Variants in NHS observed in about 807,000 individuals in gnomAD.
NHS encodes the protein NHS actin remodeling regulator, also known as actin remodeling regulator NHS.
Under a neutral mutation model 72.5 loss-of-function variants are expected in NHS, and 5 were observed. That is an observed-to-expected ratio of 0.07 (90% CI 0.04 to 0.14). NHS has a LOEUF of 0.14. Ranked by LOEUF, NHS falls within the 10% of genes least tolerant of loss-of-function variation. The probability of loss-of-function intolerance (pLI) is 1.00; values close to 1 mark genes in which losing one functional copy is unlikely to be tolerated. For missense variants in NHS, 1,072 were observed against 1,355.7 expected (o/e 0.79, Z 3.29); for synonymous variants, 464 against 547.7 (o/e 0.85, Z 2.13).
chrX:17,719,605 T>A (rs1053033698), intron 4 of NHS, among the ~76,000 whole-genome samples, 199 bp downstream of exon 4: 4 of 110,761 alleles, frequency 3.6e-5, no homozygotes, highest in African/African-American at 1.3e-4. Context: ...TTTGCCTTTT[T>A]CCCCCATTCA....
intron 1 of NHS, among the ~76,000 whole-genome samples, chrX:17,393,020 T>C (rs972814118): frequency 1.8e-5 from 2 of 112,287 alleles, no homozygotes; most frequent in Non-Finnish European, 1.9e-5. Context: ...TGCATGTAGT[T>C]GTAGTTCATT....
chrX:17,594,983 A>G (rs2065618995), intron 1 of NHS, among the ~76,000 whole-genome samples: 1 of 112,185 alleles, frequency 8.9e-6, no homozygotes, highest in Non-Finnish European at 1.9e-5. Flanking sequence ...GGCCAAGGGC[A>G]ATTCTCCAGA....
chrX:17,732,288 G>A lies in NHS; in HGVS notation c.4780G>A (p.Ala1594Thr), dbSNP rs1452510833. 6.6e-6 allele frequency: 8 copies of A among 1,212,233 alleles called. No individual in the cohort carries two copies. Among genetic ancestry groups the A allele is most frequent in the Non-Finnish European group, 8.9e-6 (8 of 895,614 alleles). The change falls in exon 9 of 9, where the codon GCC (alanine) becomes ACC (threonine). Residue 1594 changes from alanine to threonine, a missense_variant. Transcript: ENST00000676302. ...NAEGFSSKSF[A>T]TSASARVGRS... The stretch of plus-strand genomic sequence containing the variant: ...AGAAGGCTTTTCCTCGAAGAGCTTT[G>A]CCACCTCAGCATCAGCAAGGGTTGG...
chrX:17,726,805 G>A lies in NHS; in HGVS notation c.2699G>A (p.Arg900Gln), dbSNP rs2066447795. 4 of 1,211,665 alleles carry A rather than the reference G, an allele frequency of 3.3e-6. No homozygotes were observed. The highest frequency in any genetic ancestry group is 4.5e-6 in the Non-Finnish European group (4 of 895,531). Residue 900 changes from arginine to glutamine, a missense_variant, in exon 7 of 9, where the codon CGA becomes CAA. Physicochemically the swap from Arg to Gln is conservative, Grantham distance 43. Coordinates refer to ENST00000676302, the MANE Select transcript of NHS (RefSeq NM_001291867.2). Reference sequence around the variant, plus strand: ...CTTGATTTCGCCAACACGCCTTCTCGAATGGAAAACGCCAATCTTCCCACC... The same window carrying A: ...CTTGATTTCGCCAACACGCCTTCTCAAATGGAAAACGCCAATCTTCCCACC... ...LPLDFANTPS[R>Q]MENANLPTKQ...
intron 1 of NHS, among the ~76,000 whole-genome samples, chrX:17,526,664 C>T (rs1569272909): frequency 8.9e-6 from 1 of 111,846 alleles, no homozygotes; most frequent in East Asian, 2.8e-4. Flanking sequence ...GCAGAGAGAT[C>T]AACTAATACG....
At chrX:17,542,847 G>A (rs1301993879) in intron 1 of NHS, among the ~76,000 whole-genome samples, 1 of 111,050 alleles carries the variant, frequency 9.0e-6, no homozygotes, top group Non-Finnish European at 1.9e-5. Flanking sequence ...CTAAGCCCCA[G>A]TTGTCTCGTC....
At chrX:17,678,771 T>C (rs2066103660) in intron 1 of NHS, among the ~76,000 whole-genome samples, 1 of 111,798 alleles carries the variant, frequency 8.9e-6, no homozygotes, top group Non-Finnish European at 1.9e-5. Flanking sequence ...TTTGTAGCCC[T>C]TTCACTACTA....
chrX:17,617,666 G>C (rs780624901), intron 1 of NHS, among the ~76,000 whole-genome samples: 2 of 112,267 alleles, frequency 1.8e-5, no homozygotes, highest in East Asian at 5.6e-4. Context: ...TAGGAAACTG[G>C]GGTTAGGAAT....
intron 1 of NHS, among the ~76,000 whole-genome samples, chrX:17,381,728 G>A (rs1209114240): frequency 8.9e-6 from 1 of 112,306 alleles, no homozygotes; most frequent in Non-Finnish European, 1.9e-5. Context: ...CCATTTGGGA[G>A]CTATTGCGTG....
rs1439531611 is a variant in NHS, at chrX:17,728,645, T to G, written c.4223-4T>G. ...CTTAAAGATTCTTCTGTTCTTATTT[T>G]AAGAATCATCACCGAGTGATGACTC... On this transcript the variant is annotated splice_region_variant and splice_polypyrimidine_tract_variant and intron_variant, in intron 7 of 8. Coordinates refer to ENST00000676302, the MANE Select transcript of NHS (RefSeq NM_001291867.2). 8 of 1,208,406 alleles carry G rather than the reference T, an allele frequency of 6.6e-6. No homozygotes were observed.
intron 5 of NHS, among the ~76,000 whole-genome samples, 194 bp downstream of exon 5, chrX:17,721,827 C>T (rs761263371): frequency 9.0e-6 from 1 of 111,640 alleles, no homozygotes; most frequent in Non-Finnish European, 1.9e-5. Context: ...TTCCGCGGGC[C>T]ACTTGTTATG....
At chrX:17,390,852 T>A (rs1601685297) in intron 1 of NHS, among the ~76,000 whole-genome samples, 1 of 112,161 alleles carries the variant, frequency 8.9e-6, no homozygotes, top group Admixed American at 9.4e-5. Context: ...TACCAGCGAA[T>A]CTCAGGCTGG....
intron 1 of NHS, among the ~76,000 whole-genome samples, chrX:17,472,920 T>G (rs892379786): frequency 8.9e-6 from 1 of 112,545 alleles, no homozygotes; most frequent in Non-Finnish European, 1.9e-5. Flanking sequence ...AGGAAAAGGT[T>G]GTATTCTACT....
At chrX:17,493,918 C>T (rs891197829) in intron 1 of NHS, among the ~76,000 whole-genome samples, 3 of 109,934 alleles carry the variant, frequency 2.7e-5, no homozygotes, top group Non-Finnish European at 5.7e-5. Context: ...AAGGAATGCA[C>T]TCATTTGTGA....
chrX:17,606,852 C>A (rs1240135913), intron 1 of NHS, among the ~76,000 whole-genome samples: 1 of 112,227 alleles, frequency 8.9e-6, no homozygotes, highest in Non-Finnish European at 1.9e-5. Flanking sequence ...AGGAGGAGTT[C>A]AATAGCCAAC....
intron 1 of NHS, among the ~76,000 whole-genome samples, chrX:17,615,203 C>T (rs1481766774): frequency 4.6e-5 from 4 of 86,754 alleles, no homozygotes; most frequent in African/African-American, 1.0e-4. Context: ...CACATATATA[C>T]GTATATATAT....
chrX:17,538,068 G>A (rs1417932019), intron 1 of NHS, among the ~76,000 whole-genome samples: 1 of 112,093 alleles, frequency 8.9e-6, no homozygotes, highest in Non-Finnish European at 1.9e-5. Flanking sequence ...CAGGGCTAGT[G>A]GGACTTTGGC....
intron 1 of NHS, among the ~76,000 whole-genome samples, chrX:17,560,191 A>G (rs932760077): frequency 9.0e-6 from 1 of 111,664 alleles, no homozygotes; most frequent in Non-Finnish European, 1.9e-5. Context: ...GGTTGATATC[A>G]GAGCCAGCCC....
At chrX:17,550,834 G>T (rs1193323737) in intron 1 of NHS, among the ~76,000 whole-genome samples, 1 of 111,937 alleles carries the variant, frequency 8.9e-6, no homozygotes, top group Non-Finnish European at 1.9e-5. Context: ...ATGAGCCAAA[G>T]TCCTGGCTTT....
Sources: allele counts gnomAD v4.1 joint callset (sites outside exome capture counted in the v4.1 genomes callset), GRCh38; gene constraint gnomAD v4.1.1; transcripts MANE v1.5; gene names NCBI Gene and HGNC (gene_info 2026-07-23, HGNC 2026-07-21).